EPHB1: variants seen among roughly 807,000 people sequenced by gnomAD.
EPHB1 encodes the protein ephrin type-B receptor 1.
Under a neutral mutation model 94.4 loss-of-function variants are expected in EPHB1, and 30 were observed. The ratio of observed to expected loss-of-function variants is 0.32; its 90% CI spans 0.24 to 0.43. EPHB1 has a LOEUF of 0.43. Ranked by LOEUF, EPHB1 falls within the 20% of genes least tolerant of loss-of-function variation. EPHB1 has a pLI of 1.00. For synonymous variants in EPHB1, 522 were observed against 489.1 expected (o/e 1.07, Z -0.89); for missense variants, 1,055 against 1,308.3 (o/e 0.81, Z 2.99).
At chr3:135,052,339 CTT>C (rs1275353771) in intron 3 of EPHB1, among the ~76,000 whole-genome samples, 2 of 152,074 alleles carry the variant, frequency 1.3e-5, no homozygotes, top group Non-Finnish European at 2.9e-5. Flanking sequence ...AAGATGGTCT[CTT>C]GAGTTTGAAT....
At chr3:135,020,313 T>A (rs1218701093) in intron 3 of EPHB1, among the ~76,000 whole-genome samples, 1 of 152,188 alleles carries the variant, frequency 6.6e-6, no homozygotes, top group Non-Finnish European at 1.5e-5. Context: ...TACAATTCAA[T>A]TCAGTGGTTT....
intron 2 of EPHB1, among the ~76,000 whole-genome samples, chr3:134,945,129 A>G (rs771314608): frequency 5.3e-5 from 8 of 152,160 alleles, no homozygotes; most frequent in Non-Finnish European, 1.2e-4. Flanking sequence ...TTCTCTTTAT[A>G]TATTAGGGGA....
chr3:134,915,199 CT>C (rs962846669), intron 1 of EPHB1, among the ~76,000 whole-genome samples: 1 of 152,144 alleles, frequency 6.6e-6, no homozygotes, highest in African/African-American at 2.4e-5. Context: ...TGTTGAGGTC[CT>C]GACCCTCAGT....
intron 3 of EPHB1, among the ~76,000 whole-genome samples, chr3:134,996,767 TA>T (rs1307397316): frequency 6.6e-6 from 1 of 152,114 alleles, no homozygotes; most frequent in African/African-American, 2.4e-5. Context: ...CCAGTTGGAC[TA>T]AAAAACTTAT....
At chr3:134,954,806 G>C (rs962747333) in intron 3 of EPHB1, among the ~76,000 whole-genome samples, 3 of 152,146 alleles carry the variant, frequency 2.0e-5, no homozygotes, top group Admixed American at 6.5e-5. Context: ...CTTTGCTTCT[G>C]TGAAACCGTC....
chr3:135,194,971 C>G (rs1342821210), intron 11 of EPHB1, among the ~76,000 whole-genome samples: 3 of 152,204 alleles, frequency 2.0e-5, no homozygotes, highest in Non-Finnish European at 4.4e-5. Flanking sequence ...CCTGTCATGT[C>G]AGTGCAATCA....
At position 134,941,793 on chromosome 3, in the gene EPHB1, ACACAC is replaced by A. The variant is rs1312331719; in HGVS notation, c.124-9577_124-9573del. 9.7e-3 allele frequency among the ~76,000 whole-genome samples: 1,462 copies of A among 149,954 alleles called. 67 individuals carry two copies. Among genetic ancestry groups the A allele is most frequent in the Admixed American group, 0.085 (1,274 of 15,048 alleles). On this transcript the variant is annotated intron_variant, in intron 2 of 15. Transcript: ENST00000398015. Reference sequence around the variant, plus strand: ...CACACACACACACACACACACACACACACACAATCAGCCAGACTGCAGAGAGTCAA... The same window carrying A: ...CACACACACACACACACACACACACAAATCAGCCAGACTGCAGAGAGTCAA...
At chr3:134,832,686 A>G (rs885594) in intron 1 of EPHB1, among the ~76,000 whole-genome samples, 48,200 of 152,166 alleles carry the variant, frequency 0.32, 8,782 homozygotes, top group South Asian at 0.5. Context: ...CAATAAACAT[A>G]TGGACAATGA....
chr3:134,978,508 T>C (rs555926392), intron 3 of EPHB1, among the ~76,000 whole-genome samples: 4 of 151,948 alleles, frequency 2.6e-5, no homozygotes, highest in Non-Finnish European at 5.9e-5. Flanking sequence ...TGCTAAGGGG[T>C]TCCCAGAACT....
intron 1 of EPHB1, among the ~76,000 whole-genome samples, chr3:134,915,729 G>A (rs1415076797): frequency 1.3e-5 from 2 of 152,004 alleles, no homozygotes; most frequent in African/African-American, 2.4e-5. Flanking sequence ...AAGGCGGCGC[G>A]TCCGGAGTTG....
At chr3:135,126,424 A>G (rs1011117869) in intron 4 of EPHB1, among the ~76,000 whole-genome samples, 2 of 152,180 alleles carry the variant, frequency 1.3e-5, no homozygotes, top group Non-Finnish European at 2.9e-5. Flanking sequence ...TTCCTTTCCC[A>G]TAGGTCAGGG....
chr3:135,224,683 C>T (rs1943352537), intron 12 of EPHB1, among the ~76,000 whole-genome samples: 1 of 152,220 alleles, frequency 6.6e-6, no homozygotes, highest in Admixed American at 6.5e-5. Flanking sequence ...CTTATCTGAA[C>T]TAGTCTTTAT....
chr3:134,960,198 G>C (rs1320632365), intron 3 of EPHB1, among the ~76,000 whole-genome samples: 2 of 151,884 alleles, frequency 1.3e-5, no homozygotes, highest in Non-Finnish European at 2.9e-5. Context: ...TGGGTCTCAG[G>C]TCTCCCTCAG....
At chr3:134,812,292 C>A (rs2036193717) in intron 1 of EPHB1, among the ~76,000 whole-genome samples, 1 of 152,202 alleles carries the variant, frequency 6.6e-6, no homozygotes, top group Admixed American at 6.5e-5. Context: ...TCACTGCTGA[C>A]CCTTGGCAAC....
intron 3 of EPHB1, among the ~76,000 whole-genome samples, chr3:135,079,169 TCA>T (rs1340047706): frequency 2.6e-5 from 4 of 152,026 alleles, no homozygotes. Flanking sequence ...TCGCATCTTC[TCA>T]GAGGATTAAT....
intron 2 of EPHB1, among the ~76,000 whole-genome samples, chr3:134,941,856 G>A (rs1016728977): frequency 6.6e-6 from 1 of 150,622 alleles, no homozygotes; most frequent in African/African-American, 2.5e-5. Context: ...AGGCACTCTA[G>A]CAATAGAACT....
At chr3:134,992,734 C>T (rs1319685292) in intron 3 of EPHB1, among the ~76,000 whole-genome samples, 1 of 152,194 alleles carries the variant, frequency 6.6e-6, no homozygotes, top group Admixed American at 6.5e-5. Flanking sequence ...GTCTCACCCT[C>T]TCCACACTGT....
At chr3:135,158,213 A>G (rs920385347) in intron 6 of EPHB1, among the ~76,000 whole-genome samples, 7 of 152,032 alleles carry the variant, frequency 4.6e-5, no homozygotes, top group African/African-American at 1.7e-4. Flanking sequence ...AGCACAGTAG[A>G]TGTCTTGGAT....
chr3:135,226,674 G>A (rs995254651), intron 12 of EPHB1, among the ~76,000 whole-genome samples: 1 of 152,186 alleles, frequency 6.6e-6, no homozygotes, highest in African/African-American at 2.4e-5. Context: ...TACACCTGGG[G>A]GAGGAATAAT....
Sources: allele counts gnomAD v4.1 joint callset (sites outside exome capture counted in the v4.1 genomes callset), GRCh38; gene constraint gnomAD v4.1.1; transcripts MANE v1.5; gene names NCBI Gene and HGNC (gene_info 2026-07-23, HGNC 2026-07-21).